SYNE2: variants seen among roughly 807,000 people sequenced by gnomAD.
SYNE2 encodes spectrin repeat containing nuclear envelope protein 2, also known as nesprin-2.
Under a neutral mutation model 856.3 loss-of-function variants are expected in SYNE2, and 431 were observed. The observed-to-expected ratio is 0.50, with a 90% CI of 0.47 to 0.55. SYNE2 has a LOEUF of 0.55. Ranked by LOEUF, SYNE2 falls within the 20% of genes least tolerant of loss-of-function variation. The pLI, the probability that SYNE2 is intolerant of heterozygous loss-of-function variation, is 0.00. For synonymous variants in SYNE2, 2,923 were observed against 2,872.3 expected (o/e 1.02, Z -0.56); for missense variants, 8,129 against 8,023.2 (o/e 1.01, Z -0.50).
intron 78 of SYNE2, among the ~76,000 whole-genome samples, chr14:64,136,714 C>G (rs1166916667): frequency 6.6e-6 from 1 of 152,098 alleles, no homozygotes; most frequent in Non-Finnish European, 1.5e-5. Context: ...TTCTTCCTTT[C>G]TCTCTACTGA....
intron 1 of SYNE2, among the ~76,000 whole-genome samples, chr14:63,788,447 G>C (rs888753064): frequency 2.0e-5 from 3 of 152,140 alleles, no homozygotes; most frequent in Admixed American, 1.3e-4. Context: ...GCACCCGGGA[G>C]GGCAGGGCAG....
chr14:64,078,703 T>C lies in SYNE2; in HGVS notation c.11163+97T>C, dbSNP rs550787639. The C allele has an allele frequency of 3.2e-4, 465 of 1,455,666 alleles. 5 individuals carry two copies. The South Asian group carries it at 5.2e-3, about 16-fold the overall frequency. 90.2% of individuals were successfully genotyped at this position (1,455,666 alleles called of 1,614,324 possible). On this transcript the variant is annotated intron_variant, in intron 55 of 115. Transcript: ENST00000555002. ...ACAGGGTGAGTTCTTTGAATTAATC[T>C]GAAGCACAGAAATTGTAAACCAAAT...
At chr14:64,223,912 G>T (rs1249652209) in intron 113 of SYNE2, among the ~76,000 whole-genome samples, 1 of 152,082 alleles carries the variant, frequency 6.6e-6, no homozygotes, top group Non-Finnish European at 1.5e-5. Flanking sequence ...TACTCAAACT[G>T]CTGCTGCTAA....
chr14:64,078,412 G>T (rs2097487760), intron 54 of SYNE2, 54 bp from the exon 55 acceptor site: 3 of 1,607,870 alleles, frequency 1.9e-6, no homozygotes, highest in Non-Finnish European at 8.5e-7. Context: ...TCGAACCTAT[G>T]AATAAAGTGC....
exon 1 of SYNE2, chr14:63,761,901 A>G (rs979974764): frequency 1.1e-4 from 24 of 226,974 alleles, no homozygotes; most frequent in Non-Finnish European, 1.7e-4. Flanking sequence ...CGGCAGCTGC[A>G]GGACCGCCGT....
At chr14:63,963,750 T>C (rs2096352941) in intron 9 of SYNE2, 149 bp from the exon 10 acceptor site, 3 of 654,014 alleles carry the variant, frequency 4.6e-6, no homozygotes. Context: ...TAAGGTGTTA[T>C]GTGAACAAGT....
chr14:64,091,981 A>G (rs577486165), intron 60 of SYNE2, among the ~76,000 whole-genome samples: 4 of 152,176 alleles, frequency 2.6e-5, no homozygotes, highest in East Asian at 1.9e-4. Flanking sequence ...GGAGACTGTA[A>G]TCTCTGGTTT....
At chr14:64,029,152 AG>A (rs960282109) in intron 43 of SYNE2, among the ~76,000 whole-genome samples, 68 of 152,254 alleles carry the variant, frequency 4.5e-4, no homozygotes, top group African/African-American at 1.5e-3. Flanking sequence ...ATAATAATTA[AG>A]AGGTAAAATG....
At chr14:64,075,739 CA>C (rs2097453271) in intron 53 of SYNE2, 1 of 544,370 alleles carries the variant, frequency 1.8e-6, no homozygotes, top group African/African-American at 1.9e-5. Context: ...GAAGAGATAT[CA>C]AGTTTAATTC....
chr14:64,083,556 AG>A (rs1213143611), intron 57 of SYNE2, among the ~76,000 whole-genome samples: 1 of 152,210 alleles, frequency 6.6e-6, no homozygotes, highest in South Asian at 2.1e-4. Context: ...AACTGAGGAA[AG>A]GAAGTAGGGA....
chr14:64,069,955 A>T (rs900829913), intron 51 of SYNE2, among the ~76,000 whole-genome samples: 2 of 152,228 alleles, frequency 1.3e-5, no homozygotes, highest in African/African-American at 4.8e-5. Flanking sequence ...ATAAATGAGT[A>T]CTGCAGCCGA....
chr14:64,125,112 A>C lies in SYNE2; in HGVS notation c.13456A>C (p.Thr4486Pro). Reference sequence around the variant, plus strand: ...AAATATGGGTATTCTACCCAGCGTGACTATGTATAACTTTAGATACCCAAC... The same window carrying C: ...AAATATGGGTATTCTACCCAGCGTGCCTATGTATAACTTTAGATACCCAAC... Reference protein sequence around the residue: ...STNMGILPSVTMYNFRYPTTE... With the variant: ...STNMGILPSVPMYNFRYPTTE... The change falls in exon 71 of 116, where the codon ACT becomes CCT. Residue 4486 changes from threonine (T) to proline (P), a missense_variant. This residue lies in a region of SYNE2 where 5,410 missense variants were observed against 5,284.8 expected (regional missense o/e 1.02). Coordinates refer to ENST00000555002, the MANE Select transcript of SYNE2 (RefSeq NM_182914.3). The C allele has an allele frequency of 6.2e-7, 1 of 1,614,182 alleles. No individual in the cohort carries two copies. Among genetic ancestry groups the C allele is most frequent in the Non-Finnish European group, 8.5e-7 (1 of 1,180,024 alleles).
intron 8 of SYNE2, among the ~76,000 whole-genome samples, chr14:63,957,741 C>T (rs2096258929): frequency 6.6e-6 from 1 of 152,060 alleles, no homozygotes; most frequent in African/African-American, 2.4e-5. Flanking sequence ...GTGGTGCATG[C>T]CTGTAATCCC....
intron 1 of SYNE2, among the ~76,000 whole-genome samples, chr14:63,777,396 G>A (rs1887149252): frequency 6.6e-6 from 1 of 152,150 alleles, no homozygotes; most frequent in Non-Finnish European, 1.5e-5. Context: ...CAGGCCAGGT[G>A]CAGTGCCTCA....
intron 8 of SYNE2, among the ~76,000 whole-genome samples, chr14:63,958,203 G>A (rs547959821): frequency 1.8e-4 from 27 of 152,150 alleles, no homozygotes; most frequent in African/African-American, 6.5e-4. Flanking sequence ...GAACCAATAT[G>A]GATATGTTAT....
chr14:63,845,449 A>G (rs1414916732), intron 1 of SYNE2, among the ~76,000 whole-genome samples: 27 of 151,806 alleles, frequency 1.8e-4, no homozygotes, highest in Admixed American at 1.7e-3. Context: ...GTATTTTCAT[A>G]ATACTATGTA....
At chr14:63,917,188 T>C (rs2095543534) in intron 2 of SYNE2, among the ~76,000 whole-genome samples, 1 of 152,168 alleles carries the variant, frequency 6.6e-6, no homozygotes, top group South Asian at 2.1e-4. Flanking sequence ...GGTTAATGAT[T>C]AATGAAGAGT....
intron 2 of SYNE2, among the ~76,000 whole-genome samples, chr14:63,922,725 T>C (rs1221860630): frequency 6.6e-6 from 1 of 152,236 alleles, no homozygotes; most frequent in Non-Finnish European, 1.5e-5. Flanking sequence ...TCTTATTCCC[T>C]GTTGTTTCAA....
At chr14:64,070,178 G>A (rs1442207940) in intron 51 of SYNE2, among the ~76,000 whole-genome samples, 1 of 152,148 alleles carries the variant, frequency 6.6e-6, no homozygotes, top group Non-Finnish European at 1.5e-5. Flanking sequence ...TACCTTTGTT[G>A]TGTGTCAGGG....
Sources: gnomAD v4.1 joint callset for allele counts (sites outside exome capture counted in the v4.1 genomes callset) on GRCh38, gnomAD v4.1.1 for gene constraint, gnomAD v4.1.1 regional missense constraint, MANE v1.5 for transcripts, NCBI Gene and HGNC (gene_info 2026-07-23, HGNC 2026-07-21) for gene names.